Variants in UPB1 observed in about 807,000 individuals in gnomAD.
UPB1 encodes beta-ureidopropionase.
In UPB1, 40 loss-of-function variants were observed where a neutral mutation model predicts 49.1. That is an observed-to-expected ratio of 0.81 (90% CI 0.63 to 1.06). UPB1 has a LOEUF of 1.06. Ranked by LOEUF, UPB1 falls within the 50% of genes least tolerant of loss-of-function variation. UPB1 has a pLI of 0.00. For synonymous variants in UPB1, 207 were observed against 198.2 expected, an observed-to-expected ratio of 1.04 and a Z score of -0.38; for missense variants, 499 against 505.9, an observed-to-expected ratio of 0.99 and a Z score of 0.13.
intron 5 of UPB1, among the ~76,000 whole-genome samples, chr22:24,514,127 A>G (rs2044253265): frequency 6.6e-6 from 1 of 152,152 alleles, no homozygotes; most frequent in African/African-American, 2.4e-5. Context: ...CCTAATGCCT[A>G]AGATGTTAAA....
intron 3 of UPB1, among the ~76,000 whole-genome samples, chr22:24,507,607 G>A (rs2044113680): frequency 6.6e-6 from 1 of 152,142 alleles, no homozygotes; most frequent in Admixed American, 6.5e-5. Flanking sequence ...GGTTCTCAGT[G>A]GAAATTTTCC....
chr22:24,527,220 GT>G lies in UPB1; in HGVS notation c.*1427del, dbSNP rs1264092899. ...AAAATACAAAAATTAGCTGGGCATGGTGGCGCATGCCTATAATCCCAGCTAC... is the reference window on the plus strand; with the variant it reads ...AAAATACAAAAATTAGCTGGGCATGGGGCGCATGCCTATAATCCCAGCTAC... On this transcript the variant is annotated 3_prime_UTR_variant, in exon 10 of 10. Coordinates refer to ENST00000326010, the MANE Select transcript of UPB1 (RefSeq NM_016327.3). 1 of 152,306 alleles carries G rather than the reference GT, an allele frequency of 6.6e-6. No homozygotes were observed. The highest frequency in any genetic ancestry group is 1.5e-5 in the Non-Finnish European group (1 of 68,120). The allele number at this position is 152,306 out of a possible 1,614,324, so 9.4% of individuals were successfully genotyped here.
rs746878164 is a variant in UPB1 at position 24,513,362 on chromosome 22, C to T, written c.498C>T (p.Ile166=). Residue 166 remains isoleucine (I), a synonymous_variant, in exon 5 of 10, where the codon ATC becomes ATT. Transcript: ENST00000326010. ...KNHDMVVVSP[I]LERDSEHGDV... ...ATGACATGGTGGTGGTGTCTCCCAT[C>T]CTGGAACGAGACAGCGAGCATGGGG... 2.5e-6 allele frequency: 4 copies of T among 1,614,052 alleles called. No individual in the cohort carries two copies. In the African/African-American group the frequency reaches 4.0e-5, roughly 16 times the overall value.
At position 24,526,382 on chromosome 22, in the gene UPB1, C is replaced by T. The variant is rs2044481652; in HGVS notation, c.*588C>T. 1 of 177,720 alleles carries T rather than the reference C, an allele frequency of 5.6e-6. No individual in the cohort carries two copies. Among genetic ancestry groups the T allele is most frequent in the South Asian group, 1.2e-4 (1 of 8,678 alleles). The allele number at this position is 177,720 out of a possible 1,614,324, so 11.0% of individuals were successfully genotyped here. On this transcript the variant is annotated 3_prime_UTR_variant, in exon 10 of 10. Transcript: ENST00000326010. ...TCTCAGATAATCTGGGTCAGCCTGA[C>T]CTGATTAGTCAGAAGGCCTAAAGAA...
intron 3 of UPB1, among the ~76,000 whole-genome samples, chr22:24,504,722 C>T (rs1034689898): frequency 2.8e-5 from 3 of 107,478 alleles, no homozygotes; most frequent in African/African-American, 1.0e-4. Flanking sequence ...TGTATTTCCT[C>T]CTTTTTTTTT....
intron 1 of UPB1, among the ~76,000 whole-genome samples, 170 bp from the exon 2 acceptor site, chr22:24,499,937 T>C (rs2043960332): frequency 6.6e-6 from 1 of 152,252 alleles, no homozygotes; most frequent in Admixed American, 6.5e-5. Flanking sequence ...TGTTCTGTCA[T>C]GGCTGGACCC....
intron 4 of UPB1, 68 bp from the exon 5 acceptor site, chr22:24,513,256 C>T (rs2044237466): frequency 6.2e-7 from 1 of 1,610,902 alleles, no homozygotes; most frequent in African/African-American, 1.3e-5. Context: ...TAGGATCATT[C>T]TTCTTTGATA....
chr22:24,511,994 C>T (rs1040536733), intron 4 of UPB1, among the ~76,000 whole-genome samples: 2 of 152,154 alleles, frequency 1.3e-5, no homozygotes, highest in Non-Finnish European at 2.9e-5. Context: ...TCACCTCTAA[C>T]ACAATAACTC....
chr22:24,509,615 G>A (rs1307541343), intron 3 of UPB1, among the ~76,000 whole-genome samples: 1 of 152,102 alleles, frequency 6.6e-6, no homozygotes, highest in Non-Finnish European at 1.5e-5. Flanking sequence ...ATCCCCAGCA[G>A]CCTTCTGATA....
At position 24,509,587 on chromosome 22, in the gene UPB1, A is replaced by AG. The variant is rs200265175; in HGVS notation, c.365-1155dup. Among the ~76,000 whole-genome samples, 1,264 of 151,990 alleles carry AG rather than the reference A, an allele frequency of 8.3e-3. 15 individuals are homozygous for AG. Among genetic ancestry groups the AG allele is most frequent in the African/African-American group, 0.028 (1,150 of 41,446 alleles). ...AAGAAGCCTCCTTGTCACTAGGAGG[A>AG]GGGGGGGTCCCAGTGCCATCCCCAG... On this transcript the variant is annotated intron_variant, in intron 3 of 9. Transcript: ENST00000326010.
intron 4 of UPB1, among the ~76,000 whole-genome samples, chr22:24,511,614 A>ATTTTTTTT (rs202129656): frequency 2.5e-5 from 3 of 121,188 alleles, no homozygotes; most frequent in Admixed American, 8.9e-5. Flanking sequence ...ATATATATAT[A>ATTTTTTTT]TATATTTTTT....
At chr22:24,523,833 C>A in intron 9 of UPB1, 60 bp downstream of exon 9, 1 of 1,611,236 alleles carries the variant, frequency 6.2e-7, no homozygotes, top group Non-Finnish European at 8.5e-7. Context: ...ATCCTGCTCT[C>A]AGGAACTGCT....
At chr22:24,525,536 G>A (rs2044468539) in intron 9 of UPB1, among the ~76,000 whole-genome samples, 175 bp from the exon 10 acceptor site, 1 of 152,200 alleles carries the variant, frequency 6.6e-6, no homozygotes, top group African/African-American at 2.4e-5. Context: ...AGTCATTGTA[G>A]CATCTGTGAA....
At chr22:24,515,698 G>A (rs1386082046) in intron 6 of UPB1, among the ~76,000 whole-genome samples, 1 of 152,248 alleles carries the variant, frequency 6.6e-6, no homozygotes, top group Non-Finnish European at 1.5e-5. Context: ...ACATTGGGCT[G>A]AGCTCGGTGG....
At position 24,499,349 on chromosome 22, in the gene UPB1, G is replaced by A. The variant is rs144562428; in HGVS notation, c.105-758G>A. Among the ~76,000 whole-genome samples the A allele has an allele frequency of 2.5e-3, 378 of 152,286 alleles. 4 individuals carry two copies. The highest frequency in any genetic ancestry group is 8.7e-3 in the African/African-American group (360 of 41,544). The stretch of plus-strand genomic sequence containing the variant: ...GGTAAGCCCTTCCTGGCTAGGGGCC[G>A]TGTCCCATCCCATGCCTCTGTGGCT... On this transcript the variant is annotated intron_variant, in intron 1 of 9. Transcript: ENST00000326010.
chr22:24,514,817 G>A (rs751149685), intron 5 of UPB1, among the ~76,000 whole-genome samples: 5 of 152,142 alleles, frequency 3.3e-5, no homozygotes, highest in Non-Finnish European at 7.4e-5. Flanking sequence ...GGGCTCCACC[G>A]TTCTATATAA....
chr22:24,499,755 G>A (rs73169837), intron 1 of UPB1, among the ~76,000 whole-genome samples: 2,861 of 152,042 alleles, frequency 0.019, 37 homozygotes, highest in Non-Finnish European at 0.03. Context: ...AAACACTTTT[G>A]AGAATCTGTT....
chr22:24,511,618 A>ATATTTT (rs1280628896), intron 4 of UPB1, among the ~76,000 whole-genome samples: 2 of 122,568 alleles, frequency 1.6e-5, no homozygotes, highest in African/African-American at 6.2e-5. Flanking sequence ...ATATATATAT[A>ATATTTT]TTTTTTTTTT....
intron 9 of UPB1, among the ~76,000 whole-genome samples, chr22:24,524,114 C>G (rs188435626): frequency 1.6e-4 from 24 of 152,322 alleles, no homozygotes; most frequent in Admixed American, 1.4e-3. Context: ...GCACTTATCA[C>G]AAGATAAATA....
Sources: gnomAD v4.1 joint callset for allele counts (sites outside exome capture counted in the v4.1 genomes callset) on GRCh38, gnomAD v4.1.1 for gene constraint, MANE v1.5 for transcripts, NCBI Gene and HGNC (gene_info 2026-07-23, HGNC 2026-07-21) for gene names.